WWOX: variants seen among roughly 807,000 people sequenced by gnomAD.
WWOX encodes the protein WW domain-containing oxidoreductase.
Under a neutral mutation model 46.2 loss-of-function variants are expected in WWOX, and 69 were observed. The observed-to-expected ratio is 1.49, with a 90% confidence interval of 1.23 to 1.82. The LOEUF (loss-of-function observed/expected upper bound fraction) is 1.82. Ranked by LOEUF, WWOX falls within the 40% of genes most tolerant of loss-of-function variation. The pLI, the probability that WWOX is intolerant of heterozygous loss-of-function variation, is 0.00. For synonymous variants in WWOX, 359 were observed against 202.6 expected, an observed-to-expected ratio of 1.77 and a Z score of -6.56; for missense variants, 919 against 542.6, an observed-to-expected ratio of 1.69 and a Z score of -6.89.
At chr16:78,435,901 G>A (rs1382310297) in intron 8 of WWOX, among the ~76,000 whole-genome samples, 2 of 152,206 alleles carry the variant, frequency 1.3e-5, no homozygotes, top group East Asian at 3.8e-4. Flanking sequence ...TAGAATTTCT[G>A]CAGTTATTAT....
intron 5 of WWOX, among the ~76,000 whole-genome samples, chr16:78,323,756 G>A (rs1261092397): frequency 6.6e-6 from 1 of 152,196 alleles, no homozygotes; most frequent in African/African-American, 2.4e-5. Flanking sequence ...AAGATTGCAT[G>A]TTCCTGGCTC....
intron 6 of WWOX, among the ~76,000 whole-genome samples, chr16:78,412,310 A>T (rs1160682426): frequency 6.6e-6 from 1 of 152,140 alleles, no homozygotes; most frequent in African/African-American, 2.4e-5. Flanking sequence ...AGAGAAGATG[A>T]AGAGTTTAGA....
chr16:78,871,815 C>T (rs571743877), intron 8 of WWOX, among the ~76,000 whole-genome samples: 73 of 152,170 alleles, frequency 4.8e-4, no homozygotes, highest in Non-Finnish European at 7.6e-4. Flanking sequence ...ATTGGCCAGG[C>T]TGGTCTCAAA....
At chr16:78,596,286 G>A (rs890054225) in intron 8 of WWOX, among the ~76,000 whole-genome samples, 3 of 152,178 alleles carry the variant, frequency 2.0e-5, no homozygotes, top group African/African-American at 7.2e-5. Context: ...GAAACGTTTT[G>A]AGATCCTGTC....
chr16:78,107,483 A>G (rs539318498), intron 1 of WWOX, among the ~76,000 whole-genome samples: 19 of 152,334 alleles, frequency 1.2e-4, no homozygotes, highest in African/African-American at 4.6e-4. Flanking sequence ...GTAGCCCCTG[A>G]GACCAGTGCT....
intron 8 of WWOX, among the ~76,000 whole-genome samples, chr16:78,698,525 G>A (rs541776226): frequency 6.6e-6 from 1 of 152,152 alleles, no homozygotes; most frequent in African/African-American, 2.4e-5. Context: ...GTTTTGAGGA[G>A]ATCTAGAATA....
At chr16:78,220,308 A>T (rs2036848003) in intron 5 of WWOX, among the ~76,000 whole-genome samples, 1 of 152,094 alleles carries the variant, frequency 6.6e-6, no homozygotes, top group Admixed American at 6.5e-5. Flanking sequence ...GATTTCATAC[A>T]CTTAAATGTA....
rs67413792 is a variant in WWOX, at chr16:78,538,218, C to CAAA, written c.1056+105492_1056+105494dup. Among the ~76,000 whole-genome samples, 29 of 60,062 alleles carry CAAA rather than the reference C, an allele frequency of 4.8e-4. 1 individual carries two copies. Among genetic ancestry groups the CAAA allele is most frequent in the African/African-American group, 8.8e-4 (12 of 13,638 alleles). 39.4% of individuals were successfully genotyped at this position (60,062 alleles called of 152,430 possible). A position where few individuals can be genotyped will look rare whatever the true frequency, so the allele number is the denominator to read the frequency against. ...TCTTTAATTAAGCTATCACTCACAC[C>CAAA]AAAAAAAAAAAAAAAAAAAAAAAAA... On this transcript the variant is annotated intron_variant, in intron 8 of 8. Coordinates refer to ENST00000566780, the MANE Select transcript of WWOX (RefSeq NM_016373.4).
chr16:78,371,454 T>C lies in WWOX; in HGVS notation c.517-15406T>C, dbSNP rs140941686. Among the ~76,000 whole-genome samples, 3 of 152,342 alleles carry C rather than the reference T, an allele frequency of 2.0e-5. No individual in the cohort carries two copies. In the East Asian group the frequency reaches 5.8e-4, roughly 29 times the overall value. On this transcript the variant is annotated intron_variant, in intron 5 of 8. Transcript: ENST00000566780. ...GAATCCATATTTTTATGTGTAGTGT[T>C]CTGTAGCTCTTTTAGTTGGTTTATA...
chr16:78,520,537 C>T (rs1321477740), intron 8 of WWOX, among the ~76,000 whole-genome samples: 2 of 151,636 alleles, frequency 1.3e-5, no homozygotes, highest in Non-Finnish European at 1.5e-5. Context: ...GAATAAATGT[C>T]GTCTTGGATG....
intron 4 of WWOX, among the ~76,000 whole-genome samples, chr16:78,116,182 T>C (rs977761434): frequency 1.1e-4 from 17 of 152,172 alleles, no homozygotes; most frequent in African/African-American, 3.6e-4. Flanking sequence ...TATTTTACAA[T>C]GTGCAATTAA....
At chr16:78,841,503 A>G (rs866531172) in intron 8 of WWOX, among the ~76,000 whole-genome samples, 1 of 152,224 alleles carries the variant, frequency 6.6e-6, no homozygotes, top group Non-Finnish European at 1.5e-5. Context: ...GCTACTAATA[A>G]GGATGATTGT....
At chr16:79,031,041 C>G (rs889782810) in intron 8 of WWOX, among the ~76,000 whole-genome samples, 2 of 147,816 alleles carry the variant, frequency 1.4e-5, no homozygotes, top group African/African-American at 5.0e-5. Flanking sequence ...CGCAGTGAGC[C>G]GAGATCGAGT....
intron 5 of WWOX, among the ~76,000 whole-genome samples, chr16:78,283,461 G>C (rs1383577946): frequency 1.3e-5 from 2 of 152,116 alleles, no homozygotes; most frequent in African/African-American, 2.4e-5. Context: ...GAAACTCAAG[G>C]CTTTTCAGGA....
chr16:78,420,021 A>C (rs2082885538), intron 6 of WWOX, among the ~76,000 whole-genome samples: 2 of 152,188 alleles, frequency 1.3e-5, no homozygotes, highest in Admixed American at 1.3e-4. Flanking sequence ...CAATGAATAC[A>C]TAAAAGATGT....
At chr16:78,756,990 G>T in intron 8 of WWOX, 1 of 702,868 alleles carries the variant, frequency 1.4e-6, no homozygotes, top group Non-Finnish European at 2.6e-6. Context: ...CCGTGTAGAA[G>T]AACTGAGCCT....
At chr16:78,162,952 T>A (rs929366752) in intron 4 of WWOX, among the ~76,000 whole-genome samples, 1 of 152,204 alleles carries the variant, frequency 6.6e-6, no homozygotes, top group Non-Finnish European at 1.5e-5. Context: ...GAATATCTAT[T>A]TGAATTTTTT....
At chr16:78,360,846 G>T (rs1183389482) in intron 5 of WWOX, among the ~76,000 whole-genome samples, 2 of 150,656 alleles carry the variant, frequency 1.3e-5, no homozygotes, top group Non-Finnish European at 1.5e-5. Context: ...TTTGAGACAC[G>T]GTCTCACTCT....
intron 8 of WWOX, among the ~76,000 whole-genome samples, chr16:78,928,125 T>G (rs2045540669): frequency 6.6e-6 from 1 of 152,190 alleles, no homozygotes; most frequent in Non-Finnish European, 1.5e-5. Flanking sequence ...ACATAATGTA[T>G]TCTCCATGTT....
Sources: gnomAD v4.1 joint callset for allele counts (sites outside exome capture counted in the v4.1 genomes callset) on GRCh38, gnomAD v4.1.1 for gene constraint, MANE v1.5 for transcripts, NCBI Gene and HGNC (gene_info 2026-07-23, HGNC 2026-07-21) for gene names.